TXNRD1: variants seen among roughly 807,000 people sequenced by gnomAD.
TXNRD1 encodes the protein thioredoxin reductase 1.
A neutral mutation model predicts 80.3 loss-of-function variants in TXNRD1; 57 were observed. The observed-to-expected ratio is 0.71, with a 90% CI of 0.57 to 0.89. The LOEUF (loss-of-function observed/expected upper bound fraction) is 0.89. Ranked by LOEUF, TXNRD1 falls within the 40% of genes least tolerant of loss-of-function variation. The probability of loss-of-function intolerance (pLI) is 0.00; values close to 1 mark genes in which losing one functional copy is unlikely to be tolerated. For missense variants in TXNRD1, 730 were observed against 803.0 expected, an observed-to-expected ratio of 0.91 and a Z score of 1.10; for synonymous variants, 291 against 285.2, an observed-to-expected ratio of 1.02 and a Z score of -0.20.
intron 3 of TXNRD1, chr12:104,262,526 C>T (rs1347299617): frequency 6.6e-6 from 1 of 152,188 alleles, no homozygotes; most frequent in Admixed American, 6.5e-5. Flanking sequence ...AAAGAACCCT[C>T]CATAGGCATG....
chr12:104,259,889 A>G (rs1250910217), intron 3 of TXNRD1, among the ~76,000 whole-genome samples: 1 of 152,214 alleles, frequency 6.6e-6, no homozygotes. Context: ...AGAGCATCAC[A>G]TAATAACTAC....
At chr12:104,279,146 A>G (rs1024475376) in intron 3 of TXNRD1, among the ~76,000 whole-genome samples, 31 of 152,230 alleles carry the variant, frequency 2.0e-4, no homozygotes, top group Admixed American at 5.2e-4. Flanking sequence ...TAATAGTCAC[A>G]TGTGGTGAGT....
At position 104,252,690 on chromosome 12, in the gene TXNRD1, A is replaced by ATTTTT. The variant is rs869239974; in HGVS notation, c.243+1038_243+1042dup. ...TATATATATATATATATATATATAT[A>ATTTTT]TTTTTTTTTTTTTTTTTTTTTTTTT... On this transcript the variant is annotated intron_variant, in intron 2 of 16. Transcript: ENST00000525566. Among the ~76,000 whole-genome samples, 12 of 39,658 alleles carry ATTTTT rather than the reference A, an allele frequency of 3.0e-4. 3 individuals are homozygous for ATTTTT. Among genetic ancestry groups the ATTTTT allele is most frequent in the African/African-American group, 1.3e-3 (11 of 8,538 alleles). 26.0% of individuals were successfully genotyped at this position (39,658 alleles called of 152,430 possible). A position where few individuals can be genotyped will look rare whatever the true frequency, so the allele number is the denominator to read the frequency against.
intron 4 of TXNRD1, among the ~76,000 whole-genome samples, chr12:104,297,350 A>C (rs192453790): frequency 6.6e-6 from 1 of 151,778 alleles, no homozygotes; most frequent in Admixed American, 6.6e-5. Context: ...GTTGACAAAT[A>C]AATTTATATT....
intron 1 of TXNRD1, among the ~76,000 whole-genome samples, chr12:104,239,836 T>C (rs2032821674): frequency 6.6e-6 from 1 of 152,192 alleles, no homozygotes; most frequent in African/African-American, 2.4e-5. Flanking sequence ...AATTTGTTCA[T>C]TTCATGTAGA....
intron 4 of TXNRD1, among the ~76,000 whole-genome samples, chr12:104,295,492 G>A (rs2034405948): frequency 6.6e-6 from 1 of 152,148 alleles, no homozygotes; most frequent in African/African-American, 2.4e-5. Flanking sequence ...GAGCTCCTTA[G>A]CTTGGTATTC....
rs1198430349 is a variant in TXNRD1 at position 104,304,466 on chromosome 12, G to C, written c.415-6824G>C. ...TTTTGTTTTTGGTTCATTCAAGCTA[G>C]AACGTTCTGCACCAAAGCCCCGACT... On this transcript the variant is annotated intron_variant, in intron 4 of 16. Transcript: ENST00000525566. The C allele has an allele frequency of 6.8e-6, 11 of 1,613,886 alleles. No individual in the cohort carries two copies. Among genetic ancestry groups the C allele is most frequent in the Non-Finnish European group, 7.6e-6 (9 of 1,179,906 alleles).
chr12:104,293,716 A>C (rs1270942517), intron 4 of TXNRD1, among the ~76,000 whole-genome samples: 1 of 152,166 alleles, frequency 6.6e-6, no homozygotes, highest in African/African-American at 2.4e-5. Flanking sequence ...CGGCGACGAG[A>C]GAGTGTAGAA....
At chr12:104,305,923 C>G (rs1028407627) in intron 4 of TXNRD1, among the ~76,000 whole-genome samples, 1 of 151,884 alleles carries the variant, frequency 6.6e-6, no homozygotes, top group Admixed American at 6.6e-5. Flanking sequence ...TTTTCCCCCT[C>G]GAGACAGAGT....
At chr12:104,319,420 A>G (rs1037191626) in intron 8 of TXNRD1, 50 bp from the exon 9 acceptor site, 2 of 1,237,890 alleles carry the variant, frequency 1.6e-6, no homozygotes, top group African/African-American at 1.5e-5. Flanking sequence ...GAAGTTTACA[A>G]TTCTGAGGAA....
At chr12:104,290,969 A>G in intron 4 of TXNRD1, 1 of 656,548 alleles carries the variant, frequency 1.5e-6, no homozygotes, top group Non-Finnish European at 2.7e-6. Flanking sequence ...CTTTTTTTTT[A>G]ATTGAAAACT....
intron 1 of TXNRD1, among the ~76,000 whole-genome samples, chr12:104,248,358 C>T (rs1356435347): frequency 6.6e-6 from 1 of 152,174 alleles, no homozygotes; most frequent in Non-Finnish European, 1.5e-5. Context: ...GATCTTGGCT[C>T]ACTGCAACCT....
At chr12:104,256,901 G>A (rs1388672106) in intron 2 of TXNRD1, among the ~76,000 whole-genome samples, 8 of 151,132 alleles carry the variant, frequency 5.3e-5, no homozygotes, top group Admixed American at 2.6e-4. Context: ...AGAAATCTCC[G>A]AGTGTACTTC....
intron 16 of TXNRD1, among the ~76,000 whole-genome samples, chr12:104,342,579 G>T (rs2036361695): frequency 6.6e-6 from 1 of 152,156 alleles, no homozygotes; most frequent in African/African-American, 2.4e-5. Context: ...TGGGAAAGCG[G>T]ATGGCTCATT....
intron 3 of TXNRD1, among the ~76,000 whole-genome samples, chr12:104,266,772 C>T (rs1311643001): frequency 6.6e-6 from 1 of 152,020 alleles, no homozygotes; most frequent in African/African-American, 2.4e-5. Flanking sequence ...GACCATCTGG[C>T]TAACAGGGTG....
chr12:104,237,150 T>C (rs959254802), intron 1 of TXNRD1, among the ~76,000 whole-genome samples: 1 of 152,214 alleles, frequency 6.6e-6, no homozygotes, highest in South Asian at 2.1e-4. Context: ...TACTGTTATG[T>C]ATTGTGTTAT....
intron 6 of TXNRD1, among the ~76,000 whole-genome samples, chr12:104,315,301 C>G (rs1403697929): frequency 6.6e-6 from 1 of 152,188 alleles, no homozygotes; most frequent in Non-Finnish European, 1.5e-5. Context: ...CTTACATTAA[C>G]CTACAGTTGG....
At chr12:104,247,791 A>AT (rs1358217394) in intron 1 of TXNRD1, among the ~76,000 whole-genome samples, 1 of 152,162 alleles carries the variant, frequency 6.6e-6, no homozygotes, top group Non-Finnish European at 1.5e-5. Flanking sequence ...TGCCCTTGGC[A>AT]TAGATGTTAT....
intron 15 of TXNRD1, among the ~76,000 whole-genome samples, chr12:104,335,442 C>T (rs1389236653): frequency 6.6e-6 from 1 of 152,058 alleles, no homozygotes; most frequent in African/African-American, 2.4e-5. Flanking sequence ...TCAGGTGATC[C>T]GTCTGCCTTG....
Sources: gnomAD v4.1 joint callset for allele counts (sites outside exome capture counted in the v4.1 genomes callset) on GRCh38, gnomAD v4.1.1 for gene constraint, MANE v1.5 for transcripts, NCBI Gene and HGNC (gene_info 2026-07-23, HGNC 2026-07-21) for gene names.